The following MAML2 variants were observed in gnomAD, a reference collection of about 807,000 sequenced individuals.
MAML2 encodes mastermind-like protein 2.
MAML2 carries 22 observed loss-of-function variants against 96.1 expected under a neutral mutation model. The ratio of observed to expected loss-of-function variants is 0.23; its 90% CI spans 0.16 to 0.33. The LOEUF is 0.33. Ranked by LOEUF, MAML2 falls within the 10% of genes least tolerant of loss-of-function variation. The pLI is 1.00. For missense variants in MAML2, 1,367 were observed against 1,392.4 expected (o/e 0.98, Z 0.29); for synonymous variants, 561 against 521.3 (o/e 1.08, Z -1.04).
At chr11:96,237,826 C>T (rs927922419) in intron 1 of MAML2, among the ~76,000 whole-genome samples, 3 of 152,148 alleles carry the variant, frequency 2.0e-5, no homozygotes, top group Admixed American at 2.0e-4. Flanking sequence ...GAATGTGATG[C>T]AATGAAAGGA....
rs1860346664 is a variant in MAML2, at chr11:96,121,780, A to ATTTTTTTTTTGTTTTTTTTTT, written c.514-28264_514-28263insAAAAAAAAAACAAAAAAAAAA. On this transcript the variant is annotated intron_variant, in intron 1 of 4. Coordinates refer to ENST00000524717, the MANE Select transcript of MAML2 (RefSeq NM_032427.4). ...TCCATTCCATATTCCCAACTGCGTG[A>ATTTTTTTTTTGTTTTTTTTTT]TTTTTTTTTTTTTTTTTTTTTTTTG... Among the ~76,000 whole-genome samples, 2 of 35,238 alleles carry ATTTTTTTTTTGTTTTTTTTTT rather than the reference A, an allele frequency of 5.7e-5. 1 individual carries two copies. The highest frequency in any genetic ancestry group is 2.5e-4 in the African/African-American group (2 of 7,920). 23.1% of individuals were successfully genotyped at this position (35,238 alleles called of 152,430 possible). A position where few individuals can be genotyped will look rare whatever the true frequency, so the allele number is the denominator to read the frequency against.
chr11:96,115,774 G>A (rs765976297), intron 1 of MAML2, among the ~76,000 whole-genome samples: 4 of 152,064 alleles, frequency 2.6e-5, no homozygotes, highest in South Asian at 2.1e-4. Context: ...TAGGATGGTC[G>A]GTGATAGTGG....
intron 1 of MAML2, among the ~76,000 whole-genome samples, chr11:96,280,064 A>G (rs1259886992): frequency 6.6e-6 from 1 of 152,224 alleles, no homozygotes; most frequent in Non-Finnish European, 1.5e-5. Context: ...ATAGAGATAT[A>G]GCTCTACACA....
chr11:96,136,071 G>A (rs1860626533), intron 1 of MAML2, among the ~76,000 whole-genome samples: 1 of 150,774 alleles, frequency 6.6e-6, no homozygotes, highest in Admixed American at 6.6e-5. Flanking sequence ...TACGTGATAT[G>A]TAAACACATC....
At chr11:96,172,441 G>T (rs966277831) in intron 1 of MAML2, among the ~76,000 whole-genome samples, 5 of 152,212 alleles carry the variant, frequency 3.3e-5, no homozygotes, top group African/African-American at 9.6e-5. Flanking sequence ...CCTTTTACAA[G>T]ATTTGGGTAA....
intron 1 of MAML2, among the ~76,000 whole-genome samples, chr11:96,093,953 C>T (rs539622966): frequency 2.2e-4 from 34 of 151,338 alleles, no homozygotes; most frequent in Middle Eastern, 6.8e-3. Flanking sequence ...ATAGAAAACA[C>T]TCACAAGTCT....
intron 2 of MAML2, among the ~76,000 whole-genome samples, chr11:96,044,411 A>G (rs1213961950): frequency 6.6e-6 from 1 of 152,106 alleles, no homozygotes; most frequent in African/African-American, 2.4e-5. Context: ...CACAAATTCA[A>G]CCATTCTTTG....
intron 1 of MAML2, among the ~76,000 whole-genome samples, chr11:96,120,121 C>T (rs1412461043): frequency 2.6e-5 from 4 of 152,132 alleles, no homozygotes; most frequent in African/African-American, 4.8e-5. Context: ...GCACGCCCGG[C>T]TAATTTTTTG....
intron 1 of MAML2, among the ~76,000 whole-genome samples, chr11:96,171,301 T>C (rs899363244): frequency 4.6e-5 from 7 of 152,198 alleles, no homozygotes; most frequent in Non-Finnish European, 8.8e-5. Context: ...GCATATGTGT[T>C]ATACCTCCCC....
Position 96,342,919 on chromosome 11 carries a change from A to G in MAML2, c.-1024T>C, listed in dbSNP as rs1052148282. On this transcript the variant is annotated 5_prime_UTR_variant, in exon 1 of 5. Coordinates refer to ENST00000524717, the MANE Select transcript of MAML2 (RefSeq NM_032427.4). ...ATGGTCAAACTTACAAACTTCCAGCAAATTGCACCGAGTCATGTCCAGCCA... is the reference window on the plus strand; with the variant it reads ...ATGGTCAAACTTACAAACTTCCAGCGAATTGCACCGAGTCATGTCCAGCCA... The G allele has an allele frequency of 1.3e-5, 5 of 377,252 alleles. No individual in the cohort carries two copies. The highest frequency in any genetic ancestry group is 2.3e-5 in the Non-Finnish European group (5 of 212,916). 23.4% of individuals were successfully genotyped at this position (377,252 alleles called of 1,614,324 possible).
intron 1 of MAML2, among the ~76,000 whole-genome samples, chr11:96,111,699 A>G (rs1190642192): frequency 2.6e-5 from 4 of 152,260 alleles, no homozygotes; most frequent in African/African-American, 9.6e-5. Context: ...CATGTTGGCC[A>G]TCTCCTCCAT....
At chr11:96,016,849 G>A (rs1161319714) in intron 2 of MAML2, among the ~76,000 whole-genome samples, 3 of 152,092 alleles carry the variant, frequency 2.0e-5, no homozygotes, top group Non-Finnish European at 4.4e-5. Flanking sequence ...AATTTAGGAG[G>A]AACAGATCCA....
intron 1 of MAML2, among the ~76,000 whole-genome samples, chr11:96,285,647 T>A (rs972471786): frequency 6.6e-6 from 1 of 151,908 alleles, no homozygotes; most frequent in South Asian, 2.1e-4. Flanking sequence ...AACAACCCCA[T>A]TAAAAAGTAG....
At chr11:96,194,441 G>C (rs932699980) in intron 1 of MAML2, among the ~76,000 whole-genome samples, 1 of 152,164 alleles carries the variant, frequency 6.6e-6, no homozygotes, top group Non-Finnish European at 1.5e-5. Context: ...TCCTCTGTTT[G>C]AATCTGCTAG....
chr11:96,263,315 C>A (rs1056650770), intron 1 of MAML2, among the ~76,000 whole-genome samples: 2 of 152,130 alleles, frequency 1.3e-5, no homozygotes, highest in African/African-American at 2.4e-5. Flanking sequence ...CATTGTTTGC[C>A]AATGTTTCAA....
At chr11:96,059,497 T>G (rs2135776911) in intron 2 of MAML2, among the ~76,000 whole-genome samples, 1 of 152,340 alleles carries the variant, frequency 6.6e-6, no homozygotes, top group South Asian at 2.1e-4. Flanking sequence ...GAAGTCAATG[T>G]TATGTAATAA....
At chr11:96,250,134 C>T (rs1220216205) in intron 1 of MAML2, among the ~76,000 whole-genome samples, 1 of 152,128 alleles carries the variant, frequency 6.6e-6, no homozygotes, top group Non-Finnish European at 1.5e-5. Context: ...CCCTCCATGG[C>T]ACTTATCACC....
At chr11:96,102,456 G>C (rs1013808715) in intron 1 of MAML2, among the ~76,000 whole-genome samples, 3 of 152,180 alleles carry the variant, frequency 2.0e-5, no homozygotes, top group Non-Finnish European at 4.4e-5. Context: ...AGATGGGAGA[G>C]ACTCTGCCTA....
intron 1 of MAML2, among the ~76,000 whole-genome samples, chr11:96,103,454 A>G (rs978827573): frequency 1.3e-5 from 2 of 152,194 alleles, no homozygotes; most frequent in East Asian, 3.8e-4. Context: ...ACCACTTTAA[A>G]TATCAGCAAA....
Sources: gnomAD v4.1 joint callset for allele counts (sites outside exome capture counted in the v4.1 genomes callset) on GRCh38, gnomAD v4.1.1 for gene constraint, MANE v1.5 for transcripts, NCBI Gene and HGNC (gene_info 2026-07-23, HGNC 2026-07-21) for gene names.